Variants in ARMC2 observed in about 807,000 individuals in gnomAD.
The protein encoded by ARMC2 is armadillo repeat-containing protein 2.
A neutral mutation model predicts 90.3 loss-of-function variants in ARMC2; 67 were observed. The observed-to-expected ratio is 0.74, with a 90% CI of 0.61 to 0.91. ARMC2 has a LOEUF of 0.91. Ranked by LOEUF, ARMC2 falls within the 40% of genes least tolerant of loss-of-function variation. The pLI is 0.00. For synonymous variants in ARMC2, 393 were observed against 393.0 expected (o/e 1.00, Z 0.00); for missense variants, 920 against 1,030.9 (o/e 0.89, Z 1.47).
At chr6:108,988,575 T>C in the ARMC2 span, 2 of 1,612,812 alleles carry the variant, frequency 1.2e-6, no homozygotes, top group East Asian at 2.2e-5. Context: ...CTCCAGAAGC[T>C]ATCATACATT....
At chr6:108,929,741 C>T (rs1157546982) in intron 11 of ARMC2, among the ~76,000 whole-genome samples, 2 of 152,162 alleles carry the variant, frequency 1.3e-5, no homozygotes, top group Admixed American at 6.5e-5. Flanking sequence ...CCTCAGCTTC[C>T]CAAAGTGCTG....
At chr6:109,031,851 C>A in the ARMC2 span, among the ~76,000 whole-genome samples, 3 of 152,030 alleles carry the variant, frequency 2.0e-5, no homozygotes, top group Admixed American at 6.6e-5. Flanking sequence ...ATGCTTGGGA[C>A]CAGAAGTATT....
chr6:109,029,854 G>A, the ARMC2 span, among the ~76,000 whole-genome samples: 1 of 152,112 alleles, frequency 6.6e-6, no homozygotes, highest in African/African-American at 2.4e-5. Context: ...AGTGAGGAAG[G>A]AAATGTTCAA....
At chr6:108,944,076 AAAACCATTTTCTC>A (rs779420825) in intron 12 of ARMC2, among the ~76,000 whole-genome samples, 8 of 152,188 alleles carry the variant, frequency 5.3e-5, no homozygotes. Context: ...GTGGTTCTTT[AAAACCATTTTCTC>A]CAGTATTGAC....
chr6:108,879,898 C>T (rs1462982233), intron 5 of ARMC2: 1 of 468,626 alleles, frequency 2.1e-6, no homozygotes, highest in South Asian at 1.6e-5. Context: ...ATGGAAATAA[C>T]TCTGCTCTTT....
At chr6:108,975,913 A>T (rs925762596), downstream of ARMC2, among the ~76,000 whole-genome samples, 10 of 152,158 alleles carry the variant, frequency 6.6e-5, no homozygotes, top group African/African-American at 2.4e-4. Flanking sequence ...CCTTTGTCAG[A>T]TGGATAGACT....
At chr6:108,990,246 C>A in the ARMC2 span, among the ~76,000 whole-genome samples, 795 of 152,262 alleles carry the variant, frequency 5.2e-3, 5 homozygotes, top group Non-Finnish European at 9.3e-3. Context: ...CAGAAGGAGC[C>A]TAAGAACAGC....
Position 108,973,547 on chromosome 6 carries a change from C to T in ARMC2, c.*33C>T, listed in dbSNP as rs1412438533. 2 of 1,561,436 alleles carry T rather than the reference C, an allele frequency of 1.3e-6. No individual in the cohort carries two copies. Among genetic ancestry groups the T allele is most frequent in the Non-Finnish European group, 1.7e-6 (2 of 1,147,444 alleles). ...CAGATTAACAGTAGAAACGAGAACTCACGTCTCCCTCATTCTTAAGAACTG... is the reference window on the plus strand; with the variant it reads ...CAGATTAACAGTAGAAACGAGAACTTACGTCTCCCTCATTCTTAAGAACTG... On this transcript the variant is annotated 3_prime_UTR_variant, in exon 18 of 18. Coordinates refer to ENST00000392644, the MANE Select transcript of ARMC2 (RefSeq NM_032131.6).
chr6:109,015,981 A>G, the ARMC2 span, among the ~76,000 whole-genome samples: 17 of 152,192 alleles, frequency 1.1e-4, no homozygotes, highest in African/African-American at 4.1e-4. Context: ...AATACGAGGA[A>G]TTAGCCAGGC....
At chr6:108,872,989 A>G (rs939454892) in intron 4 of ARMC2, among the ~76,000 whole-genome samples, 17 of 152,310 alleles carry the variant, frequency 1.1e-4, no homozygotes, top group African/African-American at 3.6e-4. Flanking sequence ...CATTTCACAA[A>G]CCTGCTGGAC....
chr6:108,945,114 T>C (rs1776714480), intron 12 of ARMC2, among the ~76,000 whole-genome samples: 1 of 152,082 alleles, frequency 6.6e-6, no homozygotes, highest in East Asian at 1.9e-4. Context: ...AATGTGCACA[T>C]ATTGTCTGCT....
chr6:108,862,487 T>C (rs1037846243), intron 3 of ARMC2, among the ~76,000 whole-genome samples: 1 of 152,164 alleles, frequency 6.6e-6, no homozygotes, highest in Non-Finnish European at 1.5e-5. Flanking sequence ...GGGTCTTAAG[T>C]ACATTTCATT....
intron 17 of ARMC2, among the ~76,000 whole-genome samples, chr6:108,968,953 T>G (rs1196327186): frequency 1.3e-5 from 2 of 152,208 alleles, no homozygotes; most frequent in Non-Finnish European, 2.9e-5. Flanking sequence ...ACTGCAGTCA[T>G]GTCTTATGAG....
chr6:108,912,642 G>A, intron 10 of ARMC2, 84 bp downstream of exon 10: 2 of 1,287,340 alleles, frequency 1.6e-6, no homozygotes, highest in South Asian at 2.8e-5. Context: ...TGGCATGCAA[G>A]AGGCCCCTAC....
intron 6 of ARMC2, among the ~76,000 whole-genome samples, chr6:108,896,611 CTT>C (rs1433853622): frequency 6.6e-6 from 1 of 152,150 alleles, no homozygotes; most frequent in East Asian, 1.9e-4. Flanking sequence ...GACTGAGTAA[CTT>C]TGGTTCTGAG....
chr6:109,028,120 C>A, the ARMC2 span, among the ~76,000 whole-genome samples: 1 of 151,546 alleles, frequency 6.6e-6, no homozygotes, highest in African/African-American at 2.4e-5. Flanking sequence ...AGATAAGAAA[C>A]CTTTGCCTAC....
At chr6:108,986,966 T>G in the ARMC2 span, 1 of 152,706 alleles carries the variant, frequency 6.5e-6, no homozygotes, top group African/African-American at 2.4e-5. Flanking sequence ...GTTGCTGAGC[T>G]GTGTGAGTAG....
At chr6:109,039,877 A>G in the ARMC2 span, among the ~76,000 whole-genome samples, 3 of 152,214 alleles carry the variant, frequency 2.0e-5, no homozygotes, top group African/African-American at 7.2e-5. Context: ...TCTGAAAAGG[A>G]AGCAGGATGG....
At chr6:109,032,632 G>A in the ARMC2 span, among the ~76,000 whole-genome samples, 1 of 151,872 alleles carries the variant, frequency 6.6e-6, no homozygotes, top group Non-Finnish European at 1.5e-5. Flanking sequence ...GGGGAGTGGG[G>A]GGGAAGAGAA....
Sources: allele counts gnomAD v4.1 joint callset (sites outside exome capture counted in the v4.1 genomes callset), GRCh38; gene constraint gnomAD v4.1.1; transcripts MANE v1.5; gene names NCBI Gene and HGNC (gene_info 2026-07-23, HGNC 2026-07-21).